The following AKAP13 variants were observed in gnomAD, a reference collection of about 807,000 sequenced individuals.
AKAP13 encodes A-kinase anchor protein 13.
AKAP13 carries 80 observed loss-of-function variants against 264.5 expected under a neutral mutation model. The observed-to-expected ratio is 0.30, with a 90% confidence interval of 0.25 to 0.36. The LOEUF is 0.36. Ranked by LOEUF, AKAP13 falls within the 10% of genes least tolerant of loss-of-function variation. The pLI is 1.00. For synonymous variants in AKAP13, 1,380 were observed against 1,250.2 expected, an observed-to-expected ratio of 1.10 and a Z score of -2.19; for missense variants, 3,712 against 3,435.2, an observed-to-expected ratio of 1.08 and a Z score of -2.01.
intron 12 of AKAP13, among the ~76,000 whole-genome samples, chr15:85,662,640 A>T (rs888143181): frequency 1.3e-5 from 2 of 152,198 alleles, no homozygotes; most frequent in African/African-American, 2.4e-5. Flanking sequence ...GCAGCCTAAG[A>T]GTCGGGTGAT....
chr15:85,678,380 A>G (rs970846526), intron 14 of AKAP13, among the ~76,000 whole-genome samples: 1 of 152,232 alleles, frequency 6.6e-6, no homozygotes, highest in Admixed American at 6.5e-5. Flanking sequence ...CTTATGCACA[A>G]TAAGACAGTT....
chr15:85,618,915 G>A (rs2081054388), intron 8 of AKAP13, among the ~76,000 whole-genome samples: 1 of 152,134 alleles, frequency 6.6e-6, no homozygotes. Context: ...CGATCCTAGA[G>A]ACATAACTGC....
chr15:85,523,330 G>C (rs1206049629), intron 3 of AKAP13, among the ~76,000 whole-genome samples: 2 of 152,092 alleles, frequency 1.3e-5, no homozygotes, highest in East Asian at 3.9e-4. Context: ...GGGTTAACTT[G>C]TTTTGCATTT....
chr15:85,544,201 T>C (rs1000151712), intron 5 of AKAP13: 3 of 632,272 alleles, frequency 4.7e-6, no homozygotes, highest in Non-Finnish European at 8.8e-6. Context: ...TCAATTCTTA[T>C]CTCTTATATT....
chr15:85,513,365 G>C (rs533418789), intron 2 of AKAP13, among the ~76,000 whole-genome samples: 13 of 152,132 alleles, frequency 8.5e-5, no homozygotes, highest in Admixed American at 6.5e-4. Context: ...GGAAGCCTTG[G>C]AGGTTTTACA....
At chr15:85,387,525 A>G (rs2070635441) in intron 1 of AKAP13, among the ~76,000 whole-genome samples, 1 of 151,966 alleles carries the variant, frequency 6.6e-6, no homozygotes, top group Non-Finnish European at 1.5e-5. Context: ...GAGTCTCTCT[A>G]TGTTGCCCAG....
At chr15:85,631,426 A>G (rs116650411) in intron 8 of AKAP13, among the ~76,000 whole-genome samples, 100 of 152,154 alleles carry the variant, frequency 6.6e-4, no homozygotes, top group African/African-American at 2.4e-3. Flanking sequence ...CCAGTTTTCT[A>G]GTATGTGAAT....
rs1567105270 is a variant in AKAP13, at chr15:85,525,057, A to ATT, written c.181+3482_181+3483insTT. 5.7e-3 allele frequency among the ~76,000 whole-genome samples: 591 copies of ATT among 103,688 alleles called. 6 individuals carry two copies. The highest frequency in any genetic ancestry group is 0.02 in the African/African-American group (563 of 27,734). The allele number at this position is 103,688 out of a possible 152,430, so 68.0% of individuals were successfully genotyped here. A position where few individuals can be genotyped will look rare whatever the true frequency, so the allele number is the denominator to read the frequency against. On this transcript the variant is annotated intron_variant, in intron 3 of 36. Coordinates refer to ENST00000394518, the MANE Select transcript of AKAP13 (RefSeq NM_007200.5). ...TGACTTTCTATTTTATCTATCTTTA[A>ATT]ATTTTTTTTTTTTTTTTTTGAGATG...
intron 8 of AKAP13, among the ~76,000 whole-genome samples, chr15:85,592,327 T>C (rs2079618223): frequency 6.6e-6 from 1 of 152,228 alleles, no homozygotes; most frequent in Admixed American, 6.5e-5. Flanking sequence ...ATTGTGTGGC[T>C]GTTCACAGAC....
chr15:85,448,758 G>A (rs991162973), intron 1 of AKAP13, among the ~76,000 whole-genome samples: 1 of 150,862 alleles, frequency 6.6e-6, no homozygotes, highest in African/African-American at 2.4e-5. Context: ...TGCTGTTTTG[G>A]TCACTGTAGC....
intron 14 of AKAP13, among the ~76,000 whole-genome samples, chr15:85,680,677 C>T (rs2084541201): frequency 6.6e-6 from 1 of 152,032 alleles, no homozygotes; most frequent in African/African-American, 2.4e-5. Context: ...CCAGCCTGGG[C>T]AACATGGCGA....
At chr15:85,516,887 A>T (rs896172955) in intron 2 of AKAP13, among the ~76,000 whole-genome samples, 1 of 152,240 alleles carries the variant, frequency 6.6e-6, no homozygotes, top group Non-Finnish European at 1.5e-5. Flanking sequence ...GATACAATAG[A>T]TACAAACTTT....
chr15:85,540,367 A>G (rs889960271), intron 4 of AKAP13, among the ~76,000 whole-genome samples: 1 of 152,218 alleles, frequency 6.6e-6, no homozygotes, highest in African/African-American at 2.4e-5. Context: ...AACCTCCCTT[A>G]TTAGATCAAC....
chr15:85,488,417 G>C (rs986804180), intron 2 of AKAP13, among the ~76,000 whole-genome samples: 1 of 152,184 alleles, frequency 6.6e-6, no homozygotes, highest in African/African-American at 2.4e-5. Context: ...GAGTATTAAA[G>C]GTTTTTGGTT....
At chr15:85,505,578 A>G (rs780083746) in intron 2 of AKAP13, among the ~76,000 whole-genome samples, 6 of 152,184 alleles carry the variant, frequency 3.9e-5, no homozygotes, top group Non-Finnish European at 5.9e-5. Flanking sequence ...AAATTCTTTA[A>G]TATTTTCTAA....
At chr15:85,634,142 T>A (rs1360029693) in intron 8 of AKAP13, among the ~76,000 whole-genome samples, 1 of 152,176 alleles carries the variant, frequency 6.6e-6, no homozygotes, top group African/African-American at 2.4e-5. Context: ...ACAGAGCAAA[T>A]GATAAAGTGT....
At position 85,485,749 on chromosome 15, in the gene AKAP13, T is replaced by C. The variant is rs1332515813; in HGVS notation, c.29T>C (p.Leu10Ser). 1 of 1,612,672 alleles carries C rather than the reference T, an allele frequency of 6.2e-7. No homozygotes were observed. The highest frequency in any genetic ancestry group is 8.5e-7 in the Non-Finnish European group (1 of 1,178,982). The change falls in exon 2 of 37, where the codon TTA becomes TCA. Residue 10 changes from leucine (L) to serine (S), a missense_variant. Leu to Ser is a moderately radical substitution (Grantham distance 145, BLOSUM62 -2). Transcript: ENST00000394518. ...AAACTTAATCCACAGCAAGCTCCCTTATATGTGAGTAAATCATGAGATTTC... is the reference window on the plus strand; with the variant it reads ...AAACTTAATCCACAGCAAGCTCCCTCATATGTGAGTAAATCATGAGATTTC... MKLNPQQAP[L>S]YGDCVVTVLL...
intron 16 of AKAP13, among the ~76,000 whole-genome samples, chr15:85,691,469 G>A (rs338554): frequency 0.14 from 21,053 of 152,116 alleles, 2,045 homozygotes; most frequent in East Asian, 0.37. Flanking sequence ...AGTTTTCAGT[G>A]TTTGAATTCC....
Position 85,580,134 on chromosome 15 carries a change from A to G in AKAP13, c.2066A>G (p.Glu689Gly). 1 of 1,614,218 alleles carries G rather than the reference A, an allele frequency of 6.2e-7. No homozygotes were observed. The highest frequency in any genetic ancestry group is 8.5e-7 in the Non-Finnish European group (1 of 1,180,032). ...VAKLCDNIVS[E>G]SESTTARQPS... is the part of the protein sequence containing the mutation. ...AAACTGTGTGATAACATAGTTAGCG[A>G]GTCCGAAAGCACCACAGCAAGGCAA... Residue 689 changes from glutamate to glycine, a missense_variant, in exon 7 of 37, where the codon GAG (glutamate) becomes GGG (glycine). Coordinates refer to ENST00000394518, the MANE Select transcript of AKAP13 (RefSeq NM_007200.5).
Sources: allele counts gnomAD v4.1 joint callset (sites outside exome capture counted in the v4.1 genomes callset), GRCh38; gene constraint gnomAD v4.1.1; transcripts MANE v1.5; gene names NCBI Gene and HGNC (gene_info 2026-07-23, HGNC 2026-07-21).